Variants in TG observed in about 807,000 individuals in gnomAD.
TG encodes the protein thyroid hormones.
A neutral mutation model predicts 324.7 loss-of-function variants in TG; 270 were observed. That is an observed-to-expected ratio of 0.83 (90% CI 0.75 to 0.92). The LOEUF is 0.92. Ranked by LOEUF, TG falls within the 40% of genes least tolerant of loss-of-function variation. The pLI is 0.00. For missense variants in TG, 3,591 were observed against 3,456.4 expected (o/e 1.04, Z -0.98); for synonymous variants, 1,401 against 1,327.0 (o/e 1.06, Z -1.21).
intron 22 of TG, among the ~76,000 whole-genome samples, chr8:132,923,780 A>G (rs1821436188): frequency 6.6e-6 from 1 of 152,210 alleles, no homozygotes; most frequent in African/African-American, 2.4e-5. Context: ...GTACTTCAGC[A>G]TGCACAAGAG....
chr8:133,011,165 C>T (rs1299553729), intron 35 of TG, among the ~76,000 whole-genome samples: 5 of 152,136 alleles, frequency 3.3e-5, no homozygotes, highest in African/African-American at 9.7e-5. Context: ...CAAATGATGG[C>T]CCCACTGATC....
Position 132,906,744 on chromosome 8 carries a change from T to C in TG, c.3691T>C (p.Cys1231Arg), listed in dbSNP as rs767044549. ...ASEVVGGTIL[C>R]ETISGPTGSA... ...GGAGGTGGTTGGTGGAACAATCCTG[T>C]GTGAGACAATCTCGGGCCCCACAGG... is the stretch of plus-strand genomic sequence containing the variant. The change falls in exon 17 of 48, where the codon TGT becomes CGT. Residue 1231 changes from cysteine (C) to arginine (R), a missense_variant. Cys to Arg is a radical substitution (Grantham distance 180, BLOSUM62 -3). Transcript: ENST00000220616. 1 of 1,614,210 alleles carries C rather than the reference T, an allele frequency of 6.2e-7. No individual in the cohort carries two copies. Among genetic ancestry groups the C allele is most frequent in the Admixed American group, 1.7e-5 (1 of 60,030 alleles).
intron 5 of TG, among the ~76,000 whole-genome samples, chr8:132,878,928 CT>C (rs368590212): frequency 1.5e-4 from 23 of 152,322 alleles, no homozygotes; most frequent in African/African-American, 5.5e-4. Flanking sequence ...GGGATGGAGC[CT>C]GACTCTCCAG....
chr8:132,948,194 A>G (rs897461515), intron 26 of TG, among the ~76,000 whole-genome samples: 2 of 151,908 alleles, frequency 1.3e-5, no homozygotes, highest in African/African-American at 4.8e-5. Context: ...CCCCAAAAAA[A>G]GTTTCTTACT....
At position 132,933,469 on chromosome 8, in the gene TG, G is replaced by C. The variant is rs1240788556; in HGVS notation, c.4817-92G>C. The stretch of plus-strand genomic sequence containing the variant: ...GTGTGTGTGTGTGTGTGTGTGTTTG[G>C]GCATGTGGGGCAGGGGCAGGGGGAT... On this transcript the variant is annotated intron_variant, in intron 23 of 47. Coordinates refer to ENST00000220616, the MANE Select transcript of TG (RefSeq NM_003235.5). 13 of 710,420 alleles carry C rather than the reference G, an allele frequency of 1.8e-5. No homozygotes were observed. The East Asian group carries it at 4.2e-4, about 23-fold the overall frequency. 44.0% of individuals were successfully genotyped at this position (710,420 alleles called of 1,614,324 possible). A position where few individuals can be genotyped will look rare whatever the true frequency, so the allele number is the denominator to read the frequency against.
At chr8:133,039,361 G>A (rs1032853312) in intron 41 of TG, among the ~76,000 whole-genome samples, 2 of 152,054 alleles carry the variant, frequency 1.3e-5, no homozygotes, top group Admixed American at 1.3e-4. Flanking sequence ...GTAAATTTTA[G>A]TAAAAATTAA....
intron 43 of TG, among the ~76,000 whole-genome samples, chr8:133,108,850 G>C (rs148576313): frequency 6.7e-4 from 102 of 152,320 alleles, no homozygotes; most frequent in African/African-American, 2.4e-3. Context: ...TAACATCACA[G>C]CACCTGGGTC....
At chr8:132,878,797 C>A (rs967145698) in intron 5 of TG, among the ~76,000 whole-genome samples, 2 of 152,076 alleles carry the variant, frequency 1.3e-5, no homozygotes, top group African/African-American at 4.8e-5. Flanking sequence ...GCAAACGACC[C>A]TTCTAGATAT....
At chr8:133,132,412 G>A (rs1852013908) in intron 46 of TG, among the ~76,000 whole-genome samples, 1 of 152,232 alleles carries the variant, frequency 6.6e-6, no homozygotes, top group African/African-American at 2.4e-5. Flanking sequence ...GAATACCAGT[G>A]CCTTGGGTTT....
chr8:133,070,666 C>T (rs1843865725), intron 41 of TG, among the ~76,000 whole-genome samples: 1 of 152,214 alleles, frequency 6.6e-6, no homozygotes, highest in Non-Finnish European at 1.5e-5. Context: ...TTTACTCCCA[C>T]TCCTAATTCC....
At chr8:133,075,220 GTCT>G (rs1300651398) in intron 41 of TG, 2 of 716,256 alleles carry the variant, frequency 2.8e-6, no homozygotes, top group Non-Finnish European at 3.4e-6. Context: ...CAGAAGCTTG[GTCT>G]TCTTTCTCTA....
At chr8:132,912,956 G>A in intron 19 of TG, 91 bp from the exon 20 acceptor site, 2 of 1,195,738 alleles carry the variant, frequency 1.7e-6, no homozygotes, top group Non-Finnish European at 2.4e-6. Flanking sequence ...ATTCCAGTCT[G>A]GATATTCTAG....
At chr8:133,005,034 T>G (rs914079762) in intron 35 of TG, among the ~76,000 whole-genome samples, 1 of 152,166 alleles carries the variant, frequency 6.6e-6, no homozygotes, top group African/African-American at 2.4e-5. Flanking sequence ...GTGGAAACAT[T>G]CCCTGAGGAA....
At chr8:132,993,108 A>C (rs955860508) in intron 35 of TG, among the ~76,000 whole-genome samples, 85 of 152,350 alleles carry the variant, frequency 5.6e-4, no homozygotes, top group Admixed American at 4.7e-3. Context: ...CTTCACATTT[A>C]GCAAAATGTC....
intron 31 of TG, among the ~76,000 whole-genome samples, chr8:132,968,684 G>A (rs1276476134): frequency 1.3e-5 from 2 of 152,220 alleles, no homozygotes; most frequent in African/African-American, 4.8e-5. Flanking sequence ...TTGACTCTAG[G>A]TTTCTTTGAG....
At chr8:133,129,251 A>C (rs1243183645) in intron 45 of TG, among the ~76,000 whole-genome samples, 1 of 152,230 alleles carries the variant, frequency 6.6e-6, no homozygotes, top group African/African-American at 2.4e-5. Context: ...CAAATTAAAC[A>C]GATGGGATGG....
chr8:132,966,946 C>T lies in TG; in HGVS notation c.5686+249C>T, dbSNP rs1433579514. Among the ~76,000 whole-genome samples, 7 of 152,020 alleles carry T rather than the reference C, an allele frequency of 4.6e-5. No individual in the cohort carries two copies. In the East Asian group the frequency reaches 5.8e-4, roughly 13 times the overall value. On this transcript the variant is annotated intron_variant, in intron 30 of 47. Coordinates refer to ENST00000220616, the MANE Select transcript of TG (RefSeq NM_003235.5). ...GTCTCTCCATCTATCCGTCCATTCA[C>T]CCATCCATCCATCCATCCATCTACC...
At position 132,935,910 on chromosome 8, in the gene TG, C is replaced by T. The variant is rs372960747; in HGVS notation, c.5041+46C>T. The stretch of plus-strand genomic sequence containing the variant: ...GGCTTAGGCCCGCGGTGGCTTCACA[C>T]GGTCATGTTTGGAGCTGGTTTCCAG... On this transcript the variant is annotated intron_variant, in intron 25 of 47. Transcript: ENST00000220616. 2.6e-5 allele frequency: 38 copies of T among 1,485,232 alleles called. No individual in the cohort carries two copies. The Middle Eastern group carries it at 2.9e-3, about 113-fold the overall frequency. 92.0% of individuals were successfully genotyped at this position (1,485,232 alleles called of 1,614,324 possible). A position where few individuals can be genotyped will look rare whatever the true frequency, so the allele number is the denominator to read the frequency against.
chr8:132,918,632 G>T (rs1030168533), intron 20 of TG, among the ~76,000 whole-genome samples: 11 of 152,154 alleles, frequency 7.2e-5, no homozygotes, highest in African/African-American at 2.7e-4. Flanking sequence ...TGGCTGGATT[G>T]GTGGAAGGAA....
Sources: allele counts gnomAD v4.1 joint callset (sites outside exome capture counted in the v4.1 genomes callset), GRCh38; gene constraint gnomAD v4.1.1; transcripts MANE v1.5; gene names NCBI Gene and HGNC (gene_info 2026-07-23, HGNC 2026-07-21).